Variants in PLD5 observed in about 807,000 individuals in gnomAD.
PLD5 encodes the protein phospholipase D family member 5, also known as inactive phospholipase D5.
A neutral mutation model predicts 61.1 loss-of-function variants in PLD5; 36 were observed. The observed-to-expected ratio is 0.59, with a 90% CI of 0.45 to 0.78. The LOEUF (loss-of-function observed/expected upper bound fraction) is 0.78, where lower values mean the gene tolerates loss of function less well. Ranked by LOEUF, PLD5 falls within the 30% of genes least tolerant of loss-of-function variation. The pLI, the probability that PLD5 is intolerant of heterozygous loss-of-function variation, is 0.00. For missense variants in PLD5, 515 were observed against 644.4 expected (o/e 0.80, Z 2.17); for synonymous variants, 243 against 242.8 (o/e 1.00, Z -0.01).
At chr1:242,296,215 G>T (rs1392862622) in intron 2 of PLD5, among the ~76,000 whole-genome samples, 2 of 152,156 alleles carry the variant, frequency 1.3e-5, no homozygotes, top group African/African-American at 2.4e-5. Context: ...AAAAGTGTCT[G>T]TTCACGTACT....
chr1:242,251,820 A>G (rs1379501775), intron 4 of PLD5, among the ~76,000 whole-genome samples: 1 of 152,180 alleles, frequency 6.6e-6, no homozygotes, highest in East Asian at 1.9e-4. Flanking sequence ...GTGGGACCAG[A>G]TGTCTCAGGT....
intron 1 of PLD5, among the ~76,000 whole-genome samples, chr1:242,506,473 G>C (rs1668725511): frequency 6.6e-6 from 1 of 152,078 alleles, no homozygotes; most frequent in African/African-American, 2.4e-5. Context: ...GAAGGGTTAA[G>C]GACTGCAGCG....
chr1:242,196,889 T>A (rs926243576), intron 5 of PLD5, among the ~76,000 whole-genome samples: 5 of 152,184 alleles, frequency 3.3e-5, no homozygotes, highest in Admixed American at 6.5e-5. Context: ...ATTTGGGGAC[T>A]TTCTTTGTTT....
intron 1 of PLD5, among the ~76,000 whole-genome samples, chr1:242,519,817 C>T (rs761073461): frequency 3.3e-5 from 5 of 152,120 alleles, no homozygotes; most frequent in South Asian, 2.1e-4. Context: ...CCAGCCTTGC[C>T]GACCAAAGGA....
intron 1 of PLD5, among the ~76,000 whole-genome samples, chr1:242,380,975 C>T (rs1006005138): frequency 1.5e-4 from 23 of 152,186 alleles, no homozygotes; most frequent in African/African-American, 5.1e-4. Context: ...TCAACCATTG[C>T]GGAAGACAGT....
chr1:242,382,004 C>A lies in PLD5; in HGVS notation c.190-33762G>T, dbSNP rs182648620. On this transcript the variant is annotated intron_variant, in intron 1 of 9. Coordinates refer to ENST00000536534, the MANE Select transcript of PLD5 (RefSeq NM_001372062.1). ...GTAAGTGACAGAATCCAAAATTTGT[C>A]TTGGAGTTAGAACTGGAGAGGTAGC... Among the ~76,000 whole-genome samples, 3 of 152,028 alleles carry A rather than the reference C, an allele frequency of 2.0e-5. No homozygotes were observed. In the East Asian group the frequency reaches 5.8e-4, roughly 29 times the overall value.
chr1:242,364,277 T>C (rs2149239750), intron 1 of PLD5, among the ~76,000 whole-genome samples: 1 of 152,348 alleles, frequency 6.6e-6, no homozygotes, highest in South Asian at 2.1e-4. Context: ...ATAGAGGAAC[T>C]AAAAAATACT....
rs184629886 is a variant in PLD5 at position 242,096,879 on chromosome 1, C to T, written c.1354+3789G>A. ...ATTTAACATTAGGTATATCTCCTAA[C>T]GCTATCCCTCCTCCTTCCCCCTCCC... is the stretch of plus-strand genomic sequence containing the variant. On this transcript the variant is annotated intron_variant, in intron 9 of 9. Transcript: ENST00000536534. Among the ~76,000 whole-genome samples the T allele has an allele frequency of 1.2e-3, 185 of 152,044 alleles. 1 individual carries two copies. The highest frequency in any genetic ancestry group is 3.9e-3 in the African/African-American group (162 of 41,466).
At chr1:242,213,284 C>T (rs1669943362) in intron 5 of PLD5, among the ~76,000 whole-genome samples, 1 of 152,150 alleles carries the variant, frequency 6.6e-6, no homozygotes, top group Non-Finnish European at 1.5e-5. Context: ...AACAGTCCTA[C>T]CATGTGTCAG....
At chr1:242,493,346 C>T (rs75636433) in intron 1 of PLD5, among the ~76,000 whole-genome samples, 11,451 of 152,108 alleles carry the variant, frequency 0.075, 589 homozygotes, top group Non-Finnish European at 0.1. Flanking sequence ...GGCCACGCAG[C>T]GAATGTCTGA....
chr1:242,240,430 G>A (rs1574589279), intron 4 of PLD5, among the ~76,000 whole-genome samples: 1 of 152,086 alleles, frequency 6.6e-6, no homozygotes, highest in Non-Finnish European at 1.5e-5. Context: ...ACACAGTCTG[G>A]GCAGTTAATG....
intron 4 of PLD5, among the ~76,000 whole-genome samples, chr1:242,241,978 C>A (rs1672068917): frequency 8.7e-6 from 1 of 115,576 alleles, no homozygotes. Flanking sequence ...TAAATATATA[C>A]TATATATACT....
At chr1:242,205,536 CCTTCTAT>C (rs1669267665) in intron 5 of PLD5, among the ~76,000 whole-genome samples, 2 of 152,146 alleles carry the variant, frequency 1.3e-5, no homozygotes, top group African/African-American at 4.8e-5. Flanking sequence ...GCCCAGGTAA[CCTTCTAT>C]ATCAACACAG....
At chr1:242,525,583 G>A (rs1030441313), upstream of PLD5, among the ~76,000 whole-genome samples, 3 of 152,020 alleles carry the variant, frequency 2.0e-5, no homozygotes, top group Non-Finnish European at 4.4e-5. Flanking sequence ...AACATTTTTT[G>A]GTTTTATCTA....
upstream of PLD5, among the ~76,000 whole-genome samples, chr1:242,529,577 A>G (rs1012282417): frequency 3.3e-5 from 5 of 152,194 alleles, no homozygotes; most frequent in Admixed American, 2.0e-4. Context: ...AAATGCCTTT[A>G]CACAACACCA....
chr1:242,121,985 A>T (rs970607474), intron 6 of PLD5, among the ~76,000 whole-genome samples: 1 of 152,038 alleles, frequency 6.6e-6, no homozygotes, highest in Non-Finnish European at 1.5e-5. Flanking sequence ...AGATACACCT[A>T]ATGTAAATAT....
At chr1:242,172,615 AATAG>A (rs1271450326) in intron 5 of PLD5, among the ~76,000 whole-genome samples, 1 of 152,188 alleles carries the variant, frequency 6.6e-6, no homozygotes, top group Non-Finnish European at 1.5e-5. Context: ...AGATCAACAA[AATAG>A]ATAGACTTCT....
At chr1:242,399,673 G>T (rs537796964) in intron 1 of PLD5, among the ~76,000 whole-genome samples, 2 of 152,120 alleles carry the variant, frequency 1.3e-5, no homozygotes, top group East Asian at 3.9e-4. Context: ...TATATCGGGG[G>T]TCCCCAATCC....
intron 4 of PLD5, among the ~76,000 whole-genome samples, chr1:242,227,517 G>A (rs571094069): frequency 5.5e-4 from 83 of 151,956 alleles, no homozygotes; most frequent in South Asian, 1.7e-3. Flanking sequence ...GGCACACACC[G>A]CCACATCCTG....
Sources: allele counts gnomAD v4.1 joint callset (sites outside exome capture counted in the v4.1 genomes callset), GRCh38; gene constraint gnomAD v4.1.1; transcripts MANE v1.5; gene names NCBI Gene and HGNC (gene_info 2026-07-23, HGNC 2026-07-21).